Variants in SP110 observed in about 807,000 individuals in gnomAD.
The protein encoded by SP110 is SP110 nuclear body protein, also known as interferon-induced protein 41, 30kD.
SP110 carries 62 observed loss-of-function variants against 92.7 expected under a neutral mutation model. The ratio of observed to expected loss-of-function variants is 0.67; its 90% CI spans 0.55 to 0.83. The LOEUF (loss-of-function observed/expected upper bound fraction) is 0.83. SP110 is among the 40% of genes least tolerant of loss of function. The pLI is 0.00. For missense variants in SP110, 793 were observed against 863.9 expected, an observed-to-expected ratio of 0.92 and a Z score of 1.03; for synonymous variants, 273 against 305.3, an observed-to-expected ratio of 0.89 and a Z score of 1.10.
chr2:230,184,816 G>T (rs1371115070), intron 11 of SP110, among the ~76,000 whole-genome samples: 1 of 152,112 alleles, frequency 6.6e-6, no homozygotes, highest in Non-Finnish European at 1.5e-5. Flanking sequence ...GTAACGATAG[G>T]CTAGGTAATG....
chr2:230,172,238 G>T (rs1193033266), intron 15 of SP110, 64 bp from the exon 16 acceptor site: 13 of 1,007,696 alleles, frequency 1.3e-5, no homozygotes, highest in Non-Finnish European at 1.9e-5. Context: ...CATTCCTGTG[G>T]CTGCCACTGT....
chr2:230,168,108 C>CAAAAAAAAAAAAAAAAA lies in SP110; in HGVS notation c.*999_*1015dup, dbSNP rs57421361. 1.6e-5 allele frequency: 1 copy of CAAAAAAAAAAAAAAAAA among 62,460 alleles called. No homozygotes were observed. The highest frequency in any genetic ancestry group is 6.2e-5 in the African/African-American group (1 of 16,170). 3.9% of individuals were successfully genotyped at this position (62,460 alleles called of 1,614,324 possible). ...TGGGTGACAGAGTGAGACTCTGTCT[C>CAAAAAAAAAAAAAAAAA]AAAAAAAAAAAAAAAAAAAAAAAAA... On this transcript the variant is annotated 3_prime_UTR_variant, in exon 19 of 19. Coordinates refer to ENST00000258381, the MANE Select transcript of SP110 (RefSeq NM_080424.4).
Position 230,166,528 on chromosome 2 carries a change from A to G in SP110, c.*2596T>C, listed in dbSNP as rs2106331379. Among the ~76,000 whole-genome samples the G allele has an allele frequency of 5.2e-5, 1 of 19,138 alleles. No homozygotes were observed. The highest frequency in any genetic ancestry group is 0.038 in the Middle Eastern group (1 of 26). 12.6% of individuals were successfully genotyped at this position (19,138 alleles called of 152,430 possible). Reference sequence around the variant, plus strand: ...CAAATGTAAAATCCTCTGCAATGGTATATTAAATACCCTCTGCAATGGTAC... The same window carrying G: ...CAAATGTAAAATCCTCTGCAATGGTGTATTAAATACCCTCTGCAATGGTAC... On this transcript the variant is annotated 3_prime_UTR_variant, in exon 19 of 19. Transcript: ENST00000258381.
intron 10 of SP110, among the ~76,000 whole-genome samples, chr2:230,190,413 T>G (rs995372895): frequency 1.2e-4 from 18 of 152,212 alleles, no homozygotes; most frequent in African/African-American, 4.1e-4. Flanking sequence ...GTTTGTTTTT[T>G]TCTTGTAAAT....
rs1343619329 is a variant in SP110 at position 230,188,874 on chromosome 2, A to G, written c.1130-2731T>C. 3.9e-5 allele frequency among the ~76,000 whole-genome samples: 6 copies of G among 151,904 alleles called. 1 individual carries two copies. Among genetic ancestry groups the G allele is most frequent in the African/African-American group, 1.2e-4 (5 of 41,412 alleles). On this transcript the variant is annotated intron_variant, in intron 10 of 18. Transcript: ENST00000258381. ...TATTTTTGATGGGCTGCTGGATTCAATCTCACTGTTTGTTATTGGTCTGTT... is the reference window on the plus strand; with the variant it reads ...TATTTTTGATGGGCTGCTGGATTCAGTCTCACTGTTTGTTATTGGTCTGTT...
At chr2:230,171,613 G>A in intron 17 of SP110, 83 bp downstream of exon 17, 2 of 1,052,920 alleles carry the variant, frequency 1.9e-6, no homozygotes, top group Non-Finnish European at 3.0e-6. Flanking sequence ...CCAGCTTCCT[G>A]AGCAAACTGC....
intron 15 of SP110, 36 bp from the exon 16 acceptor site, chr2:230,172,210 G>T: frequency 1.5e-6 from 2 of 1,336,766 alleles, no homozygotes; most frequent in Non-Finnish European, 2.2e-6. Context: ...AGAGGGCAAA[G>T]CCCCTGGAAA....
chr2:230,196,048 A>G, intron 10 of SP110, among the ~76,000 whole-genome samples: 1 of 152,212 alleles, frequency 6.6e-6, no homozygotes, highest in East Asian at 1.9e-4. Context: ...AAGGATACCT[A>G]AACATTTAAA....
chr2:230,202,466 G>T, intron 9 of SP110, 113 bp downstream of exon 9: 2 of 971,300 alleles, frequency 2.1e-6, no homozygotes, highest in Non-Finnish European at 3.2e-6. Context: ...CTCATTCTCT[G>T]TACTTTTTCC....
At chr2:230,192,102 T>G (rs1039008245) in intron 10 of SP110, among the ~76,000 whole-genome samples, 1 of 151,684 alleles carries the variant, frequency 6.6e-6, no homozygotes, top group African/African-American at 2.4e-5. Context: ...TGTTAAAAAC[T>G]CTCAATAAAC....
rs751566127 is a variant in SP110 at position 230,165,783 on chromosome 2, G to A, written c.*3341C>T. 2.0e-4 allele frequency among the ~76,000 whole-genome samples: 31 copies of A among 151,606 alleles called. No homozygotes were observed. Among genetic ancestry groups the A allele is most frequent in the African/African-American group, 2.2e-4 (9 of 41,230 alleles). ...TGGGTAAATATTGGAACTAAAAGCC[G>A]TTACGATGCCTTCCAAAATAGAAGG... On this transcript the variant is annotated 3_prime_UTR_variant, in exon 19 of 19. Coordinates refer to ENST00000258381, the MANE Select transcript of SP110 (RefSeq NM_080424.4).
rs554318238 is a variant in SP110, at chr2:230,168,993, T to C, written c.*131A>G. On this transcript the variant is annotated 3_prime_UTR_variant, in exon 19 of 19. Transcript: ENST00000258381. ...ATAAAGATGGAGGGTGTGATAATCCTATGAAGTGTCTGGGTTTGGGTCCTG... is the reference window on the plus strand; with the variant it reads ...ATAAAGATGGAGGGTGTGATAATCCCATGAAGTGTCTGGGTTTGGGTCCTG... The C allele has an allele frequency of 1.3e-6, 1 of 751,800 alleles. No individual in the cohort carries two copies. The highest frequency in any genetic ancestry group is 2.5e-5 in the East Asian group (1 of 40,482). The allele number at this position is 751,800 out of a possible 1,614,324, so 46.6% of individuals were successfully genotyped here.
At chr2:230,215,675 A>C (rs1361439519) in intron 2 of SP110, among the ~76,000 whole-genome samples, 1 of 152,234 alleles carries the variant, frequency 6.6e-6, no homozygotes, top group Non-Finnish European at 1.5e-5. Context: ...GATTGCAAAT[A>C]ATTATTGAAC....
At chr2:230,206,347 T>C (rs2148884959) in intron 8 of SP110, among the ~76,000 whole-genome samples, 1 of 151,878 alleles carries the variant, frequency 6.6e-6, no homozygotes, top group Middle Eastern at 3.4e-3. Context: ...TTTATCTTAG[T>C]CTCTCAGTAT....
chr2:230,172,595 C>T (rs2078476056), intron 15 of SP110: 8 of 550,580 alleles, frequency 1.5e-5, no homozygotes, highest in Middle Eastern at 4.9e-4. Context: ...TGGCTTTTCC[C>T]GTCCCCTCCT....
Position 230,187,983 on chromosome 2 carries a change from T to G in SP110, c.1130-1840A>C, listed in dbSNP as rs539103216. On this transcript the variant is annotated intron_variant, in intron 10 of 18. Transcript: ENST00000258381. ...TTGCTTTGGCTTTGCAGGCTCTTTT[T>G]TGGTTCCATATGAATTTTAAGATTT... Among the ~76,000 whole-genome samples the G allele has an allele frequency of 3.3e-5, 5 of 152,316 alleles. No individual in the cohort carries two copies. In the East Asian group the frequency reaches 9.6e-4, roughly 29 times the overall value.
intron 10 of SP110, among the ~76,000 whole-genome samples, chr2:230,196,178 G>T (rs73100079): frequency 6.6e-6 from 1 of 152,082 alleles, no homozygotes; most frequent in Non-Finnish European, 1.5e-5. Context: ...TTAAGATATA[G>T]ATTTTAACCA....
chr2:230,216,747 C>A (rs2045228563), intron 2 of SP110, 34 bp downstream of exon 2: 1 of 1,612,388 alleles, frequency 6.2e-7, no homozygotes, highest in Non-Finnish European at 8.5e-7. Context: ...TTGGTGGGGG[C>A]TGGGCTGCCA....
At chr2:230,174,960 A>G (rs1019775945) in intron 14 of SP110, among the ~76,000 whole-genome samples, 2 of 152,204 alleles carry the variant, frequency 1.3e-5, no homozygotes, top group African/African-American at 4.8e-5. Context: ...GCCCCTGGCT[A>G]TTATGAGCTG....
Sources: allele counts gnomAD v4.1 joint callset (sites outside exome capture counted in the v4.1 genomes callset), GRCh38; gene constraint gnomAD v4.1.1; transcripts MANE v1.5; gene names NCBI Gene and HGNC (gene_info 2026-07-23, HGNC 2026-07-21).